The following FARS2 variants were observed in gnomAD, a reference collection of about 807,000 sequenced individuals.
The protein encoded by FARS2 is phenylalanine--tRNA ligase, mitochondrial.
In FARS2, 40 loss-of-function variants were observed where a neutral mutation model predicts 46.4. The ratio of observed to expected loss-of-function variants is 0.86; its 90% CI spans 0.67 to 1.12. The LOEUF (loss-of-function observed/expected upper bound fraction) is 1.12, where lower values mean the gene tolerates loss of function less well. FARS2 is among the 50% of genes most tolerant of loss of function. The probability of loss-of-function intolerance (pLI) is 0.00; values close to 1 mark genes in which losing one functional copy is unlikely to be tolerated. For missense variants in FARS2, 513 were observed against 567.9 expected (o/e 0.90, Z 0.98); for synonymous variants, 234 against 214.9 (o/e 1.09, Z -0.78).
At chr6:5,650,184 G>A (rs1349429166) in intron 6 of FARS2, among the ~76,000 whole-genome samples, 1 of 151,980 alleles carries the variant, frequency 6.6e-6, no homozygotes, top group East Asian at 1.9e-4. Flanking sequence ...CCAGCAGTAG[G>A]CCGAGAGATG....
At position 5,423,428 on chromosome 6, in the gene FARS2, A is replaced by C. The variant is rs144607020; in HGVS notation, c.773-7613A>C. Among the ~76,000 whole-genome samples the C allele has an allele frequency of 2.1e-4, 32 of 152,152 alleles. No individual in the cohort carries two copies. The East Asian group carries it at 5.6e-3, about 27-fold the overall frequency. On this transcript the variant is annotated intron_variant, in intron 3 of 6. Transcript: ENST00000274680. ...TACGATCCAAGCACTAGTCAAAAGG[A>C]TCCCTGTGTAGAGGAGTCCCAGGGG...
chr6:5,250,889 C>G, the FARS2 span, among the ~76,000 whole-genome samples: 1 of 152,148 alleles, frequency 6.6e-6, no homozygotes, highest in African/African-American at 2.4e-5. Context: ...GAGCAAAACT[C>G]TTATTTGGCT....
At chr6:5,473,223 G>A (rs760048572) in intron 4 of FARS2, among the ~76,000 whole-genome samples, 1 of 152,148 alleles carries the variant, frequency 6.6e-6, no homozygotes, top group Non-Finnish European at 1.5e-5. Flanking sequence ...TACACTGTGT[G>A]CATTAAGAAT....
intron 4 of FARS2, among the ~76,000 whole-genome samples, chr6:5,458,828 A>G (rs1032998998): frequency 6.6e-6 from 1 of 152,212 alleles, no homozygotes; most frequent in Non-Finnish European, 1.5e-5. Flanking sequence ...TGATTGCAGG[A>G]AGAATGAAAT....
At chr6:5,409,555 TG>T (rs1476874104) in intron 3 of FARS2, among the ~76,000 whole-genome samples, 2 of 152,242 alleles carry the variant, frequency 1.3e-5, no homozygotes, top group African/African-American at 4.8e-5. Flanking sequence ...CCTAGACTTT[TG>T]GTAGTCAGCT....
chr6:5,278,587 T>C (rs1341511934), intron 1 of FARS2, among the ~76,000 whole-genome samples: 1 of 151,802 alleles, frequency 6.6e-6, no homozygotes, highest in African/African-American at 2.4e-5. Flanking sequence ...AGATTTAAAA[T>C]ACATTCTTTA....
intron 6 of FARS2, among the ~76,000 whole-genome samples, chr6:5,729,246 G>C (rs1448731404): frequency 1.3e-5 from 2 of 152,104 alleles, no homozygotes; most frequent in African/African-American, 4.8e-5. Flanking sequence ...CCTTCCTCTC[G>C]AGGTAAAGGA....
intron 3 of FARS2, among the ~76,000 whole-genome samples, chr6:5,414,889 C>G (rs780196214): frequency 2.8e-5 from 4 of 145,148 alleles, no homozygotes; most frequent in East Asian, 2.1e-4. Context: ...GATCTCGGCT[C>G]ACTGCAACCT....
At chr6:5,407,970 T>A (rs1258424120) in intron 3 of FARS2, among the ~76,000 whole-genome samples, 1 of 152,182 alleles carries the variant, frequency 6.6e-6, no homozygotes, top group Non-Finnish European at 1.5e-5. Flanking sequence ...ACAGAAAGAT[T>A]CAGGCTCATC....
intron 5 of FARS2, chr6:5,610,026 C>G: frequency 1.0e-6 from 1 of 976,294 alleles, no homozygotes; most frequent in Non-Finnish European, 1.6e-6. Flanking sequence ...AGTGACAAAC[C>G]CAAAGCCCCT....
At chr6:5,466,376 A>G (rs1229401482) in intron 4 of FARS2, among the ~76,000 whole-genome samples, 4 of 152,034 alleles carry the variant, frequency 2.6e-5, no homozygotes, top group African/African-American at 9.7e-5. Flanking sequence ...TGCCTGTGTC[A>G]TTTCTTGGTC....
At chr6:5,672,522 TA>T (rs773922117) in intron 6 of FARS2, among the ~76,000 whole-genome samples, 31 of 152,326 alleles carry the variant, frequency 2.0e-4, no homozygotes, top group South Asian at 8.3e-4. Context: ...ATATAAAAAG[TA>T]AACCATGGGT....
intron 2 of FARS2, among the ~76,000 whole-genome samples, chr6:5,373,618 G>A (rs1175019305): frequency 6.6e-6 from 1 of 152,106 alleles, no homozygotes; most frequent in African/African-American, 2.4e-5. Flanking sequence ...ATTCAAGCAC[G>A]TTATTAGTGG....
intron 6 of FARS2, among the ~76,000 whole-genome samples, chr6:5,683,702 G>A (rs192064459): frequency 3.1e-4 from 47 of 151,708 alleles, no homozygotes; most frequent in African/African-American, 7.5e-4. Flanking sequence ...TGCTGCACCC[G>A]TCAACCCGTC....
chr6:5,670,964 T>G (rs1245154712), intron 6 of FARS2, among the ~76,000 whole-genome samples: 2 of 152,220 alleles, frequency 1.3e-5, no homozygotes, highest in African/African-American at 4.8e-5. Flanking sequence ...GTGTGCAGTC[T>G]ATGCCTGACT....
chr6:5,592,138 A>C lies in FARS2; in HGVS notation c.1066-21031A>C, dbSNP rs192098934. On this transcript the variant is annotated intron_variant, in intron 5 of 6. Transcript: ENST00000274680. ...GGTGGCTCACGCCTGTAATCCCAGC[A>C]CTTTGGGAGGCCAAGGTGGGAAGAC... is the stretch of plus-strand genomic sequence containing the variant. 3.9e-5 allele frequency among the ~76,000 whole-genome samples: 6 copies of C among 152,308 alleles called. No individual in the cohort carries two copies. In the East Asian group the frequency reaches 9.7e-4, roughly 25 times the overall value.
chr6:5,539,384 G>GTGTGTATGTGTGTATA, intron 4 of FARS2, among the ~76,000 whole-genome samples: 1 of 79,592 alleles, frequency 1.3e-5, no homozygotes, highest in African/African-American at 4.6e-5. Context: ...TTTTTTTTGT[G>GTGTGTATGTGTGTATA]TATATATATA....
intron 1 of FARS2, among the ~76,000 whole-genome samples, chr6:5,307,657 C>T (rs1768805301): frequency 6.6e-6 from 1 of 152,206 alleles, no homozygotes; most frequent in Non-Finnish European, 1.5e-5. Flanking sequence ...AAAATAGCAT[C>T]AAGTTTTAAA....
intron 2 of FARS2, among the ~76,000 whole-genome samples, chr6:5,399,127 TTTATTA>T (rs56236107): frequency 0.15 from 18,691 of 125,314 alleles, 1,463 homozygotes; most frequent in Middle Eastern, 0.2. Flanking sequence ...TTTATATTAT[TTTATTA>T]TTATTATTAT....
Sources: allele counts gnomAD v4.1 joint callset (sites outside exome capture counted in the v4.1 genomes callset), GRCh38; gene constraint gnomAD v4.1.1; transcripts MANE v1.5; gene names NCBI Gene and HGNC (gene_info 2026-07-23, HGNC 2026-07-21).